The following KCNAB2 variants were observed in gnomAD, a reference collection of about 807,000 sequenced individuals.
The protein encoded by KCNAB2 is voltage-gated potassium channel subunit beta-2.
A neutral mutation model predicts 63.6 loss-of-function variants in KCNAB2; 29 were observed. The observed-to-expected ratio is 0.46, with a 90% CI of 0.34 to 0.62. The LOEUF is 0.62. Among genes scored for constraint, KCNAB2 ranks in the 20% least tolerant of loss-of-function variants. The probability of loss-of-function intolerance (pLI) is 0.01; values close to 1 mark genes in which losing one functional copy is unlikely to be tolerated. For synonymous variants in KCNAB2, 222 were observed against 224.2 expected (o/e 0.99, Z 0.09); for missense variants, 359 against 563.9 (o/e 0.64, Z 3.68).
chr1:6,040,795 G>T, intron 2 of KCNAB2: 1 of 591,858 alleles, frequency 1.7e-6, no homozygotes, highest in African/African-American at 1.9e-5. Flanking sequence ...TGAGGTGCAC[G>T]CTGGTGAGCG....
chr1:6,084,411 A>G (rs1340302523), intron 5 of KCNAB2, among the ~76,000 whole-genome samples: 1 of 152,242 alleles, frequency 6.6e-6, no homozygotes, highest in Admixed American at 6.5e-5. Context: ...ATGTATACAC[A>G]CACATATACA....
At chr1:5,998,059 A>C (rs1657035327) in intron 1 of KCNAB2, among the ~76,000 whole-genome samples, 1 of 152,204 alleles carries the variant, frequency 6.6e-6, no homozygotes, top group Non-Finnish European at 1.5e-5. Context: ...TGGACCTTGA[A>C]AGACAGGCAG....
intron 1 of KCNAB2, among the ~76,000 whole-genome samples, chr1:6,018,124 G>A (rs1658621412): frequency 6.6e-6 from 1 of 152,020 alleles, no homozygotes. Context: ...TGTAGAAAAG[G>A]TGTCTCACTG....
In KCNAB2 at chr1:6,086,954, G is replaced by A. The variant is rs893832046; in HGVS notation, c.426-513G>A. Among the ~76,000 whole-genome samples the A allele has an allele frequency of 1.3e-5, 2 of 151,544 alleles. No homozygotes were observed. The highest frequency in any genetic ancestry group is 1.9e-4 in the East Asian group (1 of 5,160). On this transcript the variant is annotated intron_variant, in intron 6 of 15. Coordinates refer to ENST00000378083, the MANE Select transcript of KCNAB2 (RefSeq NM_001199862.2). The surrounding 1 kb of genome is among the most constrained non-coding windows in gnomAD (Gnocchi z 4.2). The stretch of plus-strand genomic sequence containing the variant: ...GTCCCACACAGATTTTCTGCAACAC[G>A]TGTCACATTCTGTAGGGAACGTTGC...
chr1:6,079,338 G>C (rs1379585901), intron 4 of KCNAB2, among the ~76,000 whole-genome samples: 2 of 152,170 alleles, frequency 1.3e-5, no homozygotes, highest in South Asian at 4.1e-4. Flanking sequence ...TGGCCAACAT[G>C]GTGAAACCTC....
intron 10 of KCNAB2, among the ~76,000 whole-genome samples, chr1:6,093,323 A>G (rs1165533484): frequency 6.6e-6 from 1 of 152,248 alleles, no homozygotes; most frequent in East Asian, 1.9e-4. Context: ...ACCCGTGAGA[A>G]GCCTAGCGCC....
chr1:6,029,681 A>T (rs1659453610), upstream of KCNAB2, among the ~76,000 whole-genome samples: 1 of 152,198 alleles, frequency 6.6e-6, no homozygotes, highest in African/African-American at 2.4e-5. Flanking sequence ...CATTTTACAG[A>T]TGGAGAAACT....
chr1:5,995,641 ATAGT>A (rs1166421912), intron 1 of KCNAB2, among the ~76,000 whole-genome samples: 1 of 152,188 alleles, frequency 6.6e-6, no homozygotes, highest in African/African-American at 2.4e-5. Context: ...AGATGGCCCC[ATAGT>A]TAGAGAAGAG....
At position 6,099,241 on chromosome 1, in the gene KCNAB2, C is replaced by G. The variant is rs935344532; in HGVS notation, c.*667C>G. On this transcript the variant is annotated 3_prime_UTR_variant, in exon 16 of 16. Coordinates refer to ENST00000378083, the MANE Select transcript of KCNAB2 (RefSeq NM_001199862.2). ...CTCGAGCTGGCCCTTGACCCCCACC[C>G]ACCCCCACCCTTGCTGGCAGGGGCA... The G allele has an allele frequency of 1.3e-5, 2 of 153,182 alleles. No homozygotes were observed. The highest frequency in any genetic ancestry group is 4.8e-5 in the African/African-American group (2 of 41,472). 9.5% of individuals were successfully genotyped at this position (153,182 alleles called of 1,614,324 possible).
chr1:6,077,664 C>T (rs190075093), intron 4 of KCNAB2, among the ~76,000 whole-genome samples: 141 of 152,284 alleles, frequency 9.3e-4, no homozygotes, highest in Non-Finnish European at 1.6e-3. Context: ...CGGAGAGCGC[C>T]GAGCCCTTTG....
intron 2 of KCNAB2, among the ~76,000 whole-genome samples, chr1:6,061,622 C>T (rs1485834283): frequency 6.6e-6 from 1 of 152,248 alleles, no homozygotes; most frequent in Non-Finnish European, 1.5e-5. Flanking sequence ...AAATGCCTCC[C>T]TATGCTGCCC....
chr1:6,037,932 T>A (rs936518858), intron 1 of KCNAB2, among the ~76,000 whole-genome samples: 1 of 144,306 alleles, frequency 6.9e-6, no homozygotes, highest in Non-Finnish European at 1.5e-5. Context: ...TGGAGTGCAG[T>A]GGCGCGAACT....
At chr1:5,993,438 G>A (rs1459699104) in intron 1 of KCNAB2, among the ~76,000 whole-genome samples, 1 of 152,054 alleles carries the variant, frequency 6.6e-6, no homozygotes, top group Admixed American at 6.5e-5. Context: ...CGCCACTTCT[G>A]ACCCTGAGCC....
Position 6,073,764 on chromosome 1 carries a change from C to A in KCNAB2, c.294C>A (p.Thr98=). Residue 98 remains threonine, a synonymous_variant, in exon 4 of 16, where the codon ACC becomes ACA. Coordinates refer to ENST00000378083, the MANE Select transcript of KCNAB2 (RefSeq NM_001199862.2). The surrounding 1 kb of genome is among the most constrained non-coding windows in gnomAD (Gnocchi z 5.7). The part of the protein sequence containing the change: ...GTWVTFGGQI[T]DEMAEQLMTL... ...GGGTGACCTTCGGAGGCCAGATCAC[C>A]GATGAGGTAAGATGGGGCTCTCCCA... The A allele has an allele frequency of 6.2e-7, 1 of 1,614,148 alleles. No individual in the cohort carries two copies. The highest frequency in any genetic ancestry group is 8.5e-7 in the Non-Finnish European group (1 of 1,179,996).
At chr1:6,089,841 G>A (rs1413593444) in intron 8 of KCNAB2, among the ~76,000 whole-genome samples, 1 of 152,184 alleles carries the variant, frequency 6.6e-6, no homozygotes, top group African/African-American at 2.4e-5. Flanking sequence ...GGGATTACAG[G>A]TGCCCACCAC....
intron 1 of KCNAB2, among the ~76,000 whole-genome samples, chr1:6,014,217 C>T (rs1658355958): frequency 6.6e-6 from 1 of 152,208 alleles, no homozygotes; most frequent in African/African-American, 2.4e-5. Flanking sequence ...CCTTCTCCTG[C>T]ACCCACTGTA....
At chr1:6,030,604 T>C (rs1234028884), upstream of KCNAB2, among the ~76,000 whole-genome samples, 1 of 148,536 alleles carries the variant, frequency 6.7e-6, no homozygotes, top group Non-Finnish European at 1.5e-5. Flanking sequence ...TGTATGTATC[T>C]GTATGTGTGT....
At position 6,037,612 on chromosome 1, in the gene KCNAB2, G is replaced by A. The variant is rs143874120; in HGVS notation, c.-53+2818G>A. ...TGCAAGAAGAAATGCACTGTCCTCC[G>A]ATCGAAAGCACAGCATCTTTAGGAG... On this transcript the variant is annotated intron_variant, in intron 1 of 15. Transcript: ENST00000164247. Among the ~76,000 whole-genome samples, 343 of 152,334 alleles carry A rather than the reference G, an allele frequency of 2.3e-3. 2 individuals are homozygous for A. The highest frequency in any genetic ancestry group is 8.0e-3 in the African/African-American group (334 of 41,574).
chr1:6,084,489 CAG>C (rs1401053301), intron 5 of KCNAB2, among the ~76,000 whole-genome samples: 1 of 152,230 alleles, frequency 6.6e-6, no homozygotes, highest in Non-Finnish European at 1.5e-5. Context: ...TCTCTCAAAA[CAG>C]AGCGTGACTT....
Sources: allele counts gnomAD v4.1 joint callset (sites outside exome capture counted in the v4.1 genomes callset), GRCh38; gene constraint gnomAD v4.1.1; non-coding constraint Gnocchi (gnomAD v3.1); transcripts MANE v1.5; gene names NCBI Gene and HGNC (gene_info 2026-07-23, HGNC 2026-07-21).